Variants in KCNMA1 observed in about 807,000 individuals in gnomAD.
KCNMA1 encodes the protein potassium calcium-activated channel subfamily M alpha 1, also known as Calcium-activated potassium channel subunit alpha-1.
KCNMA1 carries 29 observed loss-of-function variants against 140.0 expected under a neutral mutation model. The observed-to-expected ratio is 0.21, with a 90% CI of 0.15 to 0.28. The LOEUF is 0.28. Ranked by LOEUF, KCNMA1 falls within the 10% of genes least tolerant of loss-of-function variation. The probability of loss-of-function intolerance (pLI) is 1.00; values close to 1 mark genes in which losing one functional copy is unlikely to be tolerated. For synonymous variants in KCNMA1, 612 were observed against 611.9 expected (o/e 1.00, Z 0.00); for missense variants, 880 against 1,602.2 (o/e 0.55, Z 7.70).
At chr10:77,411,942 C>T (rs994933571) in intron 1 of KCNMA1, among the ~76,000 whole-genome samples, 8 of 152,228 alleles carry the variant, frequency 5.3e-5, no homozygotes, top group African/African-American at 1.9e-4. Flanking sequence ...TGGCTTCCTC[C>T]CTCGCCATGC....
chr10:76,919,675 T>C (rs2054494548), intron 23 of KCNMA1, among the ~76,000 whole-genome samples: 2 of 152,246 alleles, frequency 1.3e-5, no homozygotes, highest in Admixed American at 1.3e-4. Flanking sequence ...CATGGCACTA[T>C]AAGCATTGTG....
intron 9 of KCNMA1, among the ~76,000 whole-genome samples, chr10:77,106,932 C>A (rs1011674494): frequency 1.3e-5 from 2 of 152,154 alleles, no homozygotes; most frequent in African/African-American, 2.4e-5. Context: ...TGCTGCCTCC[C>A]GGAAAAGACG....
At chr10:77,367,312 T>C (rs1244144103) in intron 2 of KCNMA1, among the ~76,000 whole-genome samples, 1 of 152,120 alleles carries the variant, frequency 6.6e-6, no homozygotes, top group African/African-American at 2.4e-5. Context: ...ACTTTAAGTT[T>C]TTTGAAGTGA....
At chr10:77,295,290 T>C (rs958189083) in intron 2 of KCNMA1, among the ~76,000 whole-genome samples, 1 of 151,272 alleles carries the variant, frequency 6.6e-6, no homozygotes, top group African/African-American at 2.4e-5. Flanking sequence ...GAGGTTGCAG[T>C]GAGCCGAGAT....
At chr10:76,960,831 TG>T (rs563737475) in intron 20 of KCNMA1, among the ~76,000 whole-genome samples, 30 of 152,022 alleles carry the variant, frequency 2.0e-4, no homozygotes, top group Non-Finnish European at 3.7e-4. Context: ...CATTTACATC[TG>T]TTTACAGCAT....
intron 1 of KCNMA1, among the ~76,000 whole-genome samples, chr10:77,435,979 C>T (rs1038870210): frequency 6.6e-6 from 1 of 152,162 alleles, no homozygotes; most frequent in Non-Finnish European, 1.5e-5. Context: ...TCTTAGACTA[C>T]CTGTGTGTGC....
intron 3 of KCNMA1, among the ~76,000 whole-genome samples, chr10:77,202,971 T>C (rs1054519997): frequency 4.6e-5 from 7 of 152,328 alleles, no homozygotes; most frequent in Non-Finnish European, 7.4e-5. Context: ...TCTCCTGGAA[T>C]TGAAGCCTCA....
chr10:77,381,192 C>A (rs1296393356), intron 2 of KCNMA1, among the ~76,000 whole-genome samples: 1 of 152,002 alleles, frequency 6.6e-6, no homozygotes, highest in East Asian at 1.9e-4. Context: ...ACAGGAGTGA[C>A]CCAGACAAAA....
chr10:77,425,241 T>G (rs892107895), intron 1 of KCNMA1, among the ~76,000 whole-genome samples: 1 of 152,182 alleles, frequency 6.6e-6, no homozygotes, highest in Admixed American at 6.5e-5. Flanking sequence ...TATTTAACAT[T>G]GTAGTCACTC....
At chr10:77,386,516 G>A (rs2095609612) in intron 2 of KCNMA1, among the ~76,000 whole-genome samples, 1 of 152,200 alleles carries the variant, frequency 6.6e-6, no homozygotes. Flanking sequence ...TCGTAGGTTT[G>A]CATAAATTCC....
In KCNMA1 at chr10:77,090,550, G is replaced by A. The variant is rs372707449; in HGVS notation, c.1224-40C>T. 1.1e-5 allele frequency: 15 copies of A among 1,344,028 alleles called. No individual in the cohort carries two copies. In the African/African-American group the frequency reaches 1.3e-4, roughly 12 times the overall value. 83.3% of individuals were successfully genotyped at this position (1,344,028 alleles called of 1,614,324 possible). On this transcript the variant is annotated intron_variant, in intron 9 of 27. Coordinates refer to ENST00000286628, the MANE Select transcript of KCNMA1 (RefSeq NM_001161352.2). ...CCAGTTAGATCAGGCCAGGCACCAC[G>A]ACAGGACCCTGCATCCCACCCCCTG...
rs139718901 is a variant in KCNMA1 at position 77,445,554 on chromosome 10, C to T, written c.379-41531G>A. On this transcript the variant is annotated intron_variant, in intron 1 of 27. Coordinates refer to ENST00000286628, the MANE Select transcript of KCNMA1 (RefSeq NM_001161352.2). ...CCTTTGAACACTTCTATTACTCTAT[C>T]TGTAGAGTAATTGTTATTTTAGCGA... 1.2e-3 allele frequency among the ~76,000 whole-genome samples: 182 copies of T among 152,216 alleles called. 1 individual carries two copies. The highest frequency in any genetic ancestry group is 2.2e-3 in the Non-Finnish European group (152 of 68,028).
intron 5 of KCNMA1, among the ~76,000 whole-genome samples, chr10:77,138,847 CT>C (rs746765851): frequency 7.9e-5 from 12 of 152,154 alleles, no homozygotes; most frequent in Non-Finnish European, 1.2e-4. Flanking sequence ...TGGGAATGTT[CT>C]TCCCCCAGAT....
rs570499582 is a variant in KCNMA1, at chr10:76,984,379, G to A, written c.2267-14312C>T. ...TAATGTTTGTATTTTTAGTAGAGAC[G>A]GGGTTTCACCGTGTTGGCCAGGCTG... is the stretch of plus-strand genomic sequence containing the variant. On this transcript the variant is annotated intron_variant, in intron 19 of 27. Transcript: ENST00000286628. Among the ~76,000 whole-genome samples the A allele has an allele frequency of 1.1e-3, 171 of 151,986 alleles. 1 individual carries two copies. The highest frequency in any genetic ancestry group is 3.9e-3 in the African/African-American group (163 of 41,472).
chr10:77,599,451 T>A (rs2081955076), intron 1 of KCNMA1, among the ~76,000 whole-genome samples: 1 of 152,176 alleles, frequency 6.6e-6, no homozygotes, highest in African/African-American at 2.4e-5. Flanking sequence ...CTCTATTGGT[T>A]TTCTCTTGTG....
At chr10:77,064,581 T>A (rs1042669468) in intron 14 of KCNMA1, among the ~76,000 whole-genome samples, 1 of 152,336 alleles carries the variant, frequency 6.6e-6, no homozygotes, top group East Asian at 1.9e-4. Context: ...GAATCCCTGT[T>A]AATAGCTCAT....
intron 25 of KCNMA1, among the ~76,000 whole-genome samples, chr10:76,893,949 C>A (rs2041371167): frequency 6.6e-6 from 1 of 152,066 alleles, no homozygotes; most frequent in Non-Finnish European, 1.5e-5. Context: ...ATCAAAATCA[C>A]AAAGTCCATT....
At chr10:77,003,594 C>T (rs568121213) in intron 18 of KCNMA1, among the ~76,000 whole-genome samples, 2 of 152,182 alleles carry the variant, frequency 1.3e-5, no homozygotes, top group African/African-American at 4.8e-5. Flanking sequence ...TTTTTTGCTT[C>T]ACCGTAGATA....
chr10:76,879,721 A>C (rs1016355176), intron 29 of KCNMA1, among the ~76,000 whole-genome samples: 1 of 152,228 alleles, frequency 6.6e-6, no homozygotes, highest in Non-Finnish European at 1.5e-5. Context: ...GTACACATCA[A>C]AATAATTTCA....
Sources: gnomAD v4.1 joint callset for allele counts (sites outside exome capture counted in the v4.1 genomes callset) on GRCh38, gnomAD v4.1.1 for gene constraint, MANE v1.5 for transcripts, NCBI Gene and HGNC (gene_info 2026-07-23, HGNC 2026-07-21) for gene names.